PCDH9: variants seen among roughly 807,000 people sequenced by gnomAD.
PCDH9 encodes the protein protocadherin-9.
PCDH9 carries 24 observed loss-of-function variants against 70.6 expected under a neutral mutation model. That is an observed-to-expected ratio of 0.34 (90% CI 0.25 to 0.48). The LOEUF (loss-of-function observed/expected upper bound fraction) is 0.48. PCDH9 is among the 20% of genes least tolerant of loss of function. The pLI, the probability that PCDH9 is intolerant of heterozygous loss-of-function variation, is 0.99. For missense variants in PCDH9, 1,281 were observed against 1,503.6 expected (o/e 0.85, Z 2.45); for synonymous variants, 562 against 558.5 (o/e 1.01, Z -0.09).
At chr13:66,913,510 G>C (rs1594251243) in intron 2 of PCDH9, among the ~76,000 whole-genome samples, 1 of 151,922 alleles carries the variant, frequency 6.6e-6, no homozygotes, top group Non-Finnish European at 1.5e-5. Context: ...GGCTATGTAG[G>C]GGGTGTTGGG....
chr13:66,913,554 T>A (rs2139625918), intron 2 of PCDH9, among the ~76,000 whole-genome samples: 1 of 152,122 alleles, frequency 6.6e-6, no homozygotes, highest in African/African-American at 2.4e-5. Context: ...TCTGACTTAG[T>A]TTCACAGCCT....
intron 2 of PCDH9, among the ~76,000 whole-genome samples, chr13:67,005,941 T>C (rs1426161986): frequency 1.3e-5 from 2 of 152,130 alleles, no homozygotes; most frequent in African/African-American, 4.8e-5. Flanking sequence ...AATTGGATCT[T>C]ATAGGCCAGG....
intron 4 of PCDH9, among the ~76,000 whole-genome samples, chr13:66,307,404 A>C (rs1350332972): frequency 6.6e-6 from 1 of 152,068 alleles, no homozygotes; most frequent in Non-Finnish European, 1.5e-5. Flanking sequence ...GGCAGACCTA[A>C]AGTAATTATA....
intron 4 of PCDH9, among the ~76,000 whole-genome samples, chr13:66,444,934 G>A (rs73510050): frequency 0.063 from 9,488 of 151,510 alleles, 881 homozygotes; most frequent in African/African-American, 0.2. Flanking sequence ...TTATTGTGCT[G>A]ACAACAAAAA....
intron 2 of PCDH9, among the ~76,000 whole-genome samples, chr13:67,141,763 A>C (rs1248460793): frequency 7.1e-6 from 1 of 141,144 alleles, no homozygotes; most frequent in African/African-American, 2.5e-5. Context: ...TAAAAAAAAA[A>C]AAAAGAAGTT....
intron 2 of PCDH9, among the ~76,000 whole-genome samples, chr13:67,164,963 C>T (rs1350880902): frequency 6.6e-6 from 1 of 152,138 alleles, no homozygotes; most frequent in Non-Finnish European, 1.5e-5. Context: ...TGACTATATA[C>T]CTCCATGAAA....
chr13:67,164,134 A>T, intron 2 of PCDH9, among the ~76,000 whole-genome samples: 1 of 152,184 alleles, frequency 6.6e-6, no homozygotes, highest in African/African-American at 2.4e-5. Flanking sequence ...TGCATCTTCA[A>T]GTTTTCTGTT....
chr13:66,492,477 A>T (rs1959050529), intron 4 of PCDH9, among the ~76,000 whole-genome samples: 1 of 148,150 alleles, frequency 6.7e-6, no homozygotes, highest in Admixed American at 6.8e-5. Flanking sequence ...AAACAAATAT[A>T]TATAATGATT....
rs2085632411 is a variant in PCDH9, at chr13:67,065,638, A to G, written c.3036+159767T>C. On this transcript the variant is annotated intron_variant, in intron 2 of 4. Coordinates refer to ENST00000377865, the MANE Select transcript of PCDH9 (RefSeq NM_203487.3). ...TGAGCTTCAAAAATTCTGCTGGAAA[A>G]TATTGTCTACCACCACCACTGGTTT... Among the ~76,000 whole-genome samples the G allele has an allele frequency of 3.9e-5, 6 of 152,294 alleles. No individual in the cohort carries two copies. In the South Asian group the frequency reaches 1.2e-3, roughly 32 times the overall value.
intron 3 of PCDH9, among the ~76,000 whole-genome samples, chr13:66,788,812 G>C (rs890632019): frequency 6.6e-6 from 1 of 151,928 alleles, no homozygotes; most frequent in Middle Eastern, 3.2e-3. Flanking sequence ...CATCCCTGTT[G>C]TTTTTCCTAT....
At chr13:67,140,792 A>C (rs1375037598) in intron 2 of PCDH9, among the ~76,000 whole-genome samples, 1 of 152,232 alleles carries the variant, frequency 6.6e-6, no homozygotes, top group Admixed American at 6.5e-5. Context: ...TGCCCTGGCC[A>C]CTATGAGCCA....
intron 3 of PCDH9, among the ~76,000 whole-genome samples, chr13:66,737,201 C>CTCTT (rs10672926): frequency 0.89 from 134,546 of 151,988 alleles, 61,842 homozygotes; most frequent in Non-Finnish European, 1. Context: ...TATTTGTTCT[C>CTCTT]TATTTCTATT....
chr13:66,886,780 T>C (rs907670247), intron 3 of PCDH9, among the ~76,000 whole-genome samples: 1 of 152,154 alleles, frequency 6.6e-6, no homozygotes, highest in Non-Finnish European at 1.5e-5. Context: ...GCCCCTTCTT[T>C]AAAAGAAAGA....
chr13:66,569,403 A>T (rs1035877044), intron 4 of PCDH9, among the ~76,000 whole-genome samples: 3 of 152,092 alleles, frequency 2.0e-5, no homozygotes, highest in Non-Finnish European at 4.4e-5. Context: ...CTCAAAATTA[A>T]CCATAATGAA....
chr13:66,699,752 TACTC>T (rs1370167377), intron 3 of PCDH9, among the ~76,000 whole-genome samples: 1 of 152,178 alleles, frequency 6.6e-6, no homozygotes, highest in Non-Finnish European at 1.5e-5. Context: ...TTATGTAAGA[TACTC>T]AGTTGGTGGT....
At chr13:66,942,070 G>A (rs2083014696) in intron 2 of PCDH9, among the ~76,000 whole-genome samples, 1 of 151,540 alleles carries the variant, frequency 6.6e-6, no homozygotes, top group Admixed American at 6.6e-5. Context: ...ATAACCCATG[G>A]GCCAAAGAAA....
chr13:67,159,710 C>T (rs1366360678), intron 2 of PCDH9, among the ~76,000 whole-genome samples: 2 of 152,222 alleles, frequency 1.3e-5, no homozygotes, highest in Middle Eastern at 3.4e-3. Context: ...AATGGTAACA[C>T]ACTTTTTTAG....
intron 3 of PCDH9, among the ~76,000 whole-genome samples, chr13:66,774,335 C>T (rs929285127): frequency 5.3e-5 from 8 of 152,102 alleles, no homozygotes; most frequent in African/African-American, 1.9e-4. Context: ...CTATGTGAAT[C>T]ACCTTCTGCT....
intron 2 of PCDH9, among the ~76,000 whole-genome samples, chr13:66,919,962 T>C (rs573845652): frequency 6.6e-5 from 10 of 151,158 alleles, no homozygotes; most frequent in Admixed American, 4.6e-4. Flanking sequence ...TAATGTTTTT[T>C]TTAACATCCT....
Sources: gnomAD v4.1 joint callset for allele counts (sites outside exome capture counted in the v4.1 genomes callset) on GRCh38, gnomAD v4.1.1 for gene constraint, MANE v1.5 for transcripts, NCBI Gene and HGNC (gene_info 2026-07-23, HGNC 2026-07-21) for gene names.